The following CORIN variants were observed in gnomAD, a reference collection of about 807,000 sequenced individuals.
The protein encoded by CORIN is atrial natriuretic peptide-converting enzyme.
CORIN carries 117 observed loss-of-function variants against 125.3 expected under a neutral mutation model. The observed-to-expected ratio is 0.93, with a 90% CI of 0.80 to 1.09. The LOEUF (loss-of-function observed/expected upper bound fraction) is 1.09, where lower values mean the gene tolerates loss of function less well. Among genes scored for constraint, CORIN ranks in the 50% least tolerant of loss-of-function variants. The probability of loss-of-function intolerance (pLI) is 0.00; values close to 1 mark genes in which losing one functional copy is unlikely to be tolerated. For synonymous variants in CORIN, 450 were observed against 466.4 expected (o/e 0.96, Z 0.45); for missense variants, 1,253 against 1,306.7 (o/e 0.96, Z 0.63).
intron 5 of CORIN, among the ~76,000 whole-genome samples, chr4:47,710,073 A>T (rs1726769022): frequency 6.6e-6 from 1 of 152,222 alleles, no homozygotes; most frequent in Admixed American, 6.5e-5. Flanking sequence ...TTATTCAATG[A>T]CATTTTGATG....
intron 7 of CORIN, chr4:47,683,275 G>A: frequency 6.5e-6 from 1 of 154,258 alleles, no homozygotes; most frequent in Admixed American, 6.4e-5. Context: ...AACCCTGGGT[G>A]TAGCTGCTGA....
intron 17 of CORIN, among the ~76,000 whole-genome samples, chr4:47,624,604 T>C (rs1370549190): frequency 1.3e-5 from 2 of 152,150 alleles, no homozygotes; most frequent in South Asian, 2.1e-4. Context: ...TCAGAACTAG[T>C]AGGTGCAATT....
intron 5 of CORIN, among the ~76,000 whole-genome samples, chr4:47,708,330 G>C (rs954953135): frequency 9.9e-5 from 15 of 152,212 alleles, no homozygotes; most frequent in African/African-American, 3.6e-4. Context: ...TTCAAAGCCA[G>C]TAACATGGCA....
At chr4:47,618,186 T>C (rs537105451) in intron 19 of CORIN, among the ~76,000 whole-genome samples, 3 of 151,648 alleles carry the variant, frequency 2.0e-5, no homozygotes, top group African/African-American at 7.3e-5. Flanking sequence ...AATACAAAAT[T>C]AGCTGAGCAT....
intron 5 of CORIN, among the ~76,000 whole-genome samples, chr4:47,703,360 A>G (rs1726396259): frequency 6.6e-6 from 1 of 152,320 alleles, no homozygotes; most frequent in South Asian, 2.1e-4. Flanking sequence ...GATAACTTCC[A>G]TTCTGAACAC....
At chr4:47,790,292 G>A (rs1324388603) in intron 2 of CORIN, 3 of 629,618 alleles carry the variant, frequency 4.8e-6, no homozygotes, top group South Asian at 1.4e-4. Context: ...CGACTGGCCT[G>A]CGCACTGGGA....
chr4:47,631,414 C>G (rs1722801674), intron 16 of CORIN, among the ~76,000 whole-genome samples: 1 of 151,958 alleles, frequency 6.6e-6, no homozygotes, highest in Admixed American at 6.6e-5. Flanking sequence ...AGTGTGAATC[C>G]TATTGTGAAC....
intron 3 of CORIN, among the ~76,000 whole-genome samples, chr4:47,783,496 C>G (rs1428152543): frequency 6.6e-6 from 1 of 152,010 alleles, no homozygotes; most frequent in Non-Finnish European, 1.5e-5. Context: ...AGAAAAATGT[C>G]TTAGGGAAAG....
intron 20 of CORIN, among the ~76,000 whole-genome samples, chr4:47,602,496 T>C (rs988340087): frequency 6.6e-6 from 1 of 152,190 alleles, no homozygotes; most frequent in African/African-American, 2.4e-5. Context: ...GTACTACAGA[T>C]GTTGATAAGA....
chr4:47,717,344 C>G (rs1238518944), intron 5 of CORIN, among the ~76,000 whole-genome samples: 1 of 152,146 alleles, frequency 6.6e-6, no homozygotes, highest in Non-Finnish European at 1.5e-5. Flanking sequence ...CTCTATTGTT[C>G]TTATCAAATG....
chr4:47,767,782 G>C (rs1036287177), intron 3 of CORIN, among the ~76,000 whole-genome samples: 1 of 152,154 alleles, frequency 6.6e-6, no homozygotes, highest in Admixed American at 6.5e-5. Context: ...GATCATAAGA[G>C]ATTACTATAA....
chr4:47,629,813 T>C (rs1722735806), intron 16 of CORIN, among the ~76,000 whole-genome samples: 1 of 152,166 alleles, frequency 6.6e-6, no homozygotes, highest in Non-Finnish European at 1.5e-5. Flanking sequence ...ACTAACTTGT[T>C]TTATTTAATC....
intron 10 of CORIN, among the ~76,000 whole-genome samples, chr4:47,673,237 G>T (rs1014832893): frequency 1.3e-5 from 2 of 151,772 alleles, no homozygotes; most frequent in African/African-American, 4.8e-5. Flanking sequence ...TTAGCTGGGT[G>T]TGGTGGTGTG....
chr4:47,664,619 A>C (rs1271070024), intron 11 of CORIN, among the ~76,000 whole-genome samples: 1 of 152,218 alleles, frequency 6.6e-6, no homozygotes, highest in Admixed American at 6.5e-5. Flanking sequence ...TGAGTCTGGC[A>C]CTATGTATTC....
intron 1 of CORIN, among the ~76,000 whole-genome samples, chr4:47,825,628 T>C (rs984819838): frequency 3.3e-5 from 5 of 151,918 alleles, no homozygotes; most frequent in Non-Finnish European, 7.4e-5. Context: ...TTTTAGAACA[T>C]TTTTACACTT....
intron 4 of CORIN, among the ~76,000 whole-genome samples, chr4:47,753,327 G>A (rs926144107): frequency 9.2e-5 from 14 of 152,040 alleles, no homozygotes; most frequent in Admixed American, 4.6e-4. Flanking sequence ...TACTGATGAG[G>A]GTCTGTTTTC....
chr4:47,709,641 TAATA>T (rs1453994517), intron 5 of CORIN, among the ~76,000 whole-genome samples: 4 of 152,150 alleles, frequency 2.6e-5, no homozygotes, highest in South Asian at 2.1e-4. Flanking sequence ...CCTTTAAAAA[TAATA>T]AATAAAATAA....
intron 5 of CORIN, among the ~76,000 whole-genome samples, chr4:47,696,607 T>C (rs983423384): frequency 2.6e-5 from 4 of 152,168 alleles, no homozygotes; most frequent in Admixed American, 6.5e-5. Context: ...AAAATAGCAG[T>C]ATATGAAGTT....
At chr4:47,811,498 T>G (rs1167822404) in intron 1 of CORIN, among the ~76,000 whole-genome samples, 1 of 152,218 alleles carries the variant, frequency 6.6e-6, no homozygotes, top group Non-Finnish European at 1.5e-5. Flanking sequence ...CATCTGCGAA[T>G]GGCAGACAAT....
Sources: gnomAD v4.1 joint callset for allele counts (sites outside exome capture counted in the v4.1 genomes callset) on GRCh38, gnomAD v4.1.1 for gene constraint, MANE v1.5 for transcripts, NCBI Gene and HGNC (gene_info 2026-07-23, HGNC 2026-07-21) for gene names.